The following RPS6KA2 variants were observed in gnomAD, a reference collection of about 807,000 sequenced individuals.
The protein encoded by RPS6KA2 is ribosomal protein S6 kinase A2, also known as ribosomal protein S6 kinase alpha-2.
A neutral mutation model predicts 91.8 loss-of-function variants in RPS6KA2; 42 were observed. The observed-to-expected ratio is 0.46, with a 90% CI of 0.36 to 0.59. The LOEUF is 0.59. Ranked by LOEUF, RPS6KA2 falls within the 20% of genes least tolerant of loss-of-function variation. The probability of loss-of-function intolerance (pLI) is 0.00; values close to 1 mark genes in which losing one functional copy is unlikely to be tolerated. For missense variants in RPS6KA2, 798 were observed against 978.5 expected, an observed-to-expected ratio of 0.82 and a Z score of 2.46; for synonymous variants, 414 against 393.6, an observed-to-expected ratio of 1.05 and a Z score of -0.61.
Position 166,459,682 on chromosome 6 carries a change from T to A in RPS6KA2, c.973-131A>T. On this transcript the variant is annotated intron_variant, in intron 11 of 20. Coordinates refer to ENST00000265678, the MANE Select transcript of RPS6KA2 (RefSeq NM_021135.6). This position sits in a 1 kb window ranked among gnomAD's most constrained non-coding sequence, Gnocchi z 4.9. ...CACAGACTGCATTGGCCTTGTGGATTACAAGGGATTTCTAAATACTCTGAA... is the reference window on the plus strand; with the variant it reads ...CACAGACTGCATTGGCCTTGTGGATAACAAGGGATTTCTAAATACTCTGAA... 1.6e-6 allele frequency: 1 copy of A among 619,094 alleles called. No homozygotes were observed. Among genetic ancestry groups the A allele is most frequent in the Non-Finnish European group, 2.9e-6 (1 of 346,718 alleles). The allele number at this position is 619,094 out of a possible 1,614,324, so 38.4% of individuals were successfully genotyped here. A position where few individuals can be genotyped will look rare whatever the true frequency, so the allele number is the denominator to read the frequency against.
intron 1 of RPS6KA2, among the ~76,000 whole-genome samples, chr6:166,861,829 C>T (rs1277991680): frequency 1.3e-5 from 2 of 152,232 alleles, no homozygotes; most frequent in East Asian, 3.8e-4. Context: ...CTTTAAGAAG[C>T]ATCCTGAAGT....
At chr6:166,454,341 T>C (rs1238036519) in intron 12 of RPS6KA2, among the ~76,000 whole-genome samples, 1 of 151,930 alleles carries the variant, frequency 6.6e-6, no homozygotes, top group African/African-American at 2.4e-5. Context: ...CTATTAAAAA[T>C]ACAAAAATTA....
In RPS6KA2 at chr6:166,498,519, C is replaced by T. The variant is rs759533908; in HGVS notation, c.736G>A (p.Gly246Ser). 10 of 1,610,504 alleles carry T rather than the reference C, an allele frequency of 6.2e-6. No homozygotes were observed. Among genetic ancestry groups the T allele is most frequent in the South Asian group, 1.1e-5 (1 of 90,710 alleles). The part of the protein sequence containing the change: ...HTQSADWWSF[G>S]VLMFEMLTGS... ...CGGGGCAGGCTCACCATGAGCACGC[C>T]GAAGGACCACCAGTCGGCACTCTGC... Residue 246 changes from glycine (G) to serine (S), a missense_variant, in exon 8 of 21, where the codon GGC becomes AGC. Physicochemically the swap from Gly to Ser is moderately conservative, Grantham distance 56. Transcript: ENST00000265678.
In RPS6KA2 at chr6:166,738,064, C is replaced by T. The variant is rs115876868; in HGVS notation, c.123+120136G>A. ...GTACTATTTTTGCTATATTACTGTC[C>T]CATGACCTGCCTTTTGCATTTAGTA... On this transcript the variant is annotated intron_variant, in intron 2 of 21. Coordinates refer to the RPS6KA2 transcript ENST00000503859. 1.8e-3 allele frequency among the ~76,000 whole-genome samples: 273 copies of T among 152,136 alleles called. 1 individual carries two copies. Among genetic ancestry groups the T allele is most frequent in the Middle Eastern group, 6.8e-3 (2 of 294 alleles).
In RPS6KA2 at chr6:166,639,242, G is replaced by A. The variant is rs1037098726; in HGVS notation, c.124-100458C>T. On this transcript the variant is annotated intron_variant, in intron 2 of 21. Coordinates refer to the RPS6KA2 transcript ENST00000503859. The surrounding 1 kb of genome is among the most constrained non-coding windows in gnomAD (Gnocchi z 4.2). ...TATGCAAGGCATAACCATGTGCCCC[G>A]CTGCCCAAACCAGAAGGTAAGACTT... Among the ~76,000 whole-genome samples the A allele has an allele frequency of 3.3e-5, 5 of 152,126 alleles. No individual in the cohort carries two copies. Among genetic ancestry groups the A allele is most frequent in the East Asian group, 3.9e-4 (2 of 5,190 alleles).
chr6:166,655,772 G>A (rs903562804), intron 2 of RPS6KA2, among the ~76,000 whole-genome samples: 1 of 152,212 alleles, frequency 6.6e-6, no homozygotes, highest in African/African-American at 2.4e-5. Context: ...GGGCTGGCGA[G>A]AGTGTGAACG....
Position 166,498,629 on chromosome 6 carries a change from G to C in RPS6KA2, c.626C>G (p.Ala209Gly). The part of the protein sequence containing the change: ...KITDFGLSKE[A>G]IDHDKRAYSF... ...GTACGCTCTCTTGTCGTGGTCAATGGCCTCCTTACTCAGGCCGAAATCTAC... is the reference window on the plus strand; with the variant it reads ...GTACGCTCTCTTGTCGTGGTCAATGCCCTCCTTACTCAGGCCGAAATCTAC... The change falls in exon 8 of 21, where the codon GCC (alanine) becomes GGC (glycine). Residue 209 changes from alanine (A) to glycine (G), a missense_variant. Coordinates refer to ENST00000265678, the MANE Select transcript of RPS6KA2 (RefSeq NM_021135.6). The C allele has an allele frequency of 6.2e-7, 1 of 1,613,282 alleles. No homozygotes were observed. Among genetic ancestry groups the C allele is most frequent in the Non-Finnish European group, 8.5e-7 (1 of 1,179,772 alleles).
chr6:166,491,826 G>C (rs1178590346), intron 8 of RPS6KA2, among the ~76,000 whole-genome samples: 1 of 151,624 alleles, frequency 6.6e-6, no homozygotes, highest in Non-Finnish European at 1.5e-5. Flanking sequence ...CTTTTTTCAA[G>C]CTGTTTTTTA....
At chr6:166,761,678 C>A (rs1778174138) in intron 2 of RPS6KA2, among the ~76,000 whole-genome samples, 1 of 152,200 alleles carries the variant, frequency 6.6e-6, no homozygotes, top group Admixed American at 6.5e-5. Flanking sequence ...CCTAGTAGTT[C>A]ACTTCCATAT....
At chr6:166,741,586 G>T (rs1108536) in intron 2 of RPS6KA2, among the ~76,000 whole-genome samples, 10,382 of 152,248 alleles carry the variant, frequency 0.068, 389 homozygotes, top group Middle Eastern at 0.13. Context: ...TTAGAGCCCC[G>T]GTGTCCTTTA....
chr6:166,722,762 T>C (rs1790216341), intron 2 of RPS6KA2, among the ~76,000 whole-genome samples: 1 of 152,242 alleles, frequency 6.6e-6, no homozygotes, highest in Non-Finnish European at 1.5e-5. Context: ...TGCCTCCCTT[T>C]TTGAGATTCG....
chr6:166,646,557 A>AG (rs1243342512), intron 2 of RPS6KA2, among the ~76,000 whole-genome samples: 1 of 152,244 alleles, frequency 6.6e-6, no homozygotes, highest in East Asian at 1.9e-4. Flanking sequence ...GACCTGGTCC[A>AG]GCCGCATGCC....
chr6:166,510,051 T>G (rs1158684907), intron 4 of RPS6KA2, among the ~76,000 whole-genome samples: 1 of 152,146 alleles, frequency 6.6e-6, no homozygotes, highest in Non-Finnish European at 1.5e-5. Flanking sequence ...CCATCTAAAA[T>G]TAGATCTTTG....
At position 166,498,615 on chromosome 6, in the gene RPS6KA2, T is replaced by G; in HGVS notation, c.640A>C (p.Lys214Gln). The change falls in exon 8 of 21, where the codon AAG becomes CAG. Residue 214 changes from lysine (K) to glutamine (Q), a missense_variant. Lys to Gln is a moderately conservative substitution (Grantham distance 53). Transcript: ENST00000265678. ...GTCCCGCAGAAGGAGTACGCTCTCT[T>G]GTCGTGGTCAATGGCCTCCTTACTC... ...GLSKEAIDHD[K>Q]RAYSFCGTIE... 1.2e-6 allele frequency: 2 copies of G among 1,613,910 alleles called. No individual in the cohort carries two copies. Among genetic ancestry groups the G allele is most frequent in the Non-Finnish European group, 1.7e-6 (2 of 1,179,976 alleles).
intron 15 of RPS6KA2, among the ~76,000 whole-genome samples, chr6:166,431,678 G>A (rs1357319018): frequency 1.3e-5 from 2 of 152,122 alleles, no homozygotes; most frequent in Non-Finnish European, 2.9e-5. Context: ...GTGCAATGGT[G>A]TAATCTCGGT....
Position 166,811,921 on chromosome 6 carries a change from C to T in RPS6KA2, c.123+46279G>A, listed in dbSNP as rs185094058. The stretch of plus-strand genomic sequence containing the variant: ...TTTCTCCAGTGACTCCAGAGCCATC[C>T]GAGGATATTTCAGTGCCTCGTCAAG... On this transcript the variant is annotated intron_variant, in intron 2 of 21. Coordinates refer to the RPS6KA2 transcript ENST00000503859. Among the ~76,000 whole-genome samples, 174 of 152,256 alleles carry T rather than the reference C, an allele frequency of 1.1e-3. 2 individuals carry two copies. The highest frequency in any genetic ancestry group is 1.5e-4 in the Non-Finnish European group (10 of 68,012).
intron 2 of RPS6KA2, among the ~76,000 whole-genome samples, chr6:166,703,060 C>A (rs1187992433): frequency 4.6e-5 from 7 of 152,142 alleles, no homozygotes; most frequent in Non-Finnish European, 1.5e-5. Context: ...AAAGAAAAAG[C>A]CTAGCTACAA....
chr6:166,590,789 G>A lies in RPS6KA2; in HGVS notation c.99+36132C>T, dbSNP rs554459543. On this transcript the variant is annotated intron_variant, in intron 1 of 20. Transcript: ENST00000265678. ...AAAAAAAACCTCATTGAGGCAGTGA[G>A]TATAATCAACACTAACGGATAAGTG... Among the ~76,000 whole-genome samples the A allele has an allele frequency of 5.3e-5, 8 of 152,184 alleles. No homozygotes were observed. The East Asian group carries it at 1.5e-3, about 29-fold the overall frequency.
chr6:166,850,169 G>A (rs1360379514), intron 2 of RPS6KA2, among the ~76,000 whole-genome samples: 1 of 152,016 alleles, frequency 6.6e-6, no homozygotes, highest in African/African-American at 2.4e-5. Flanking sequence ...TCCACACCCA[G>A]CTCTCAGCTG....
Sources: gnomAD v4.1 joint callset for allele counts (sites outside exome capture counted in the v4.1 genomes callset) on GRCh38, gnomAD v4.1.1 for gene constraint, Gnocchi (gnomAD v3.1) non-coding constraint, MANE v1.5 for transcripts, NCBI Gene and HGNC (gene_info 2026-07-23, HGNC 2026-07-21) for gene names.